PTPRJ: variants seen among roughly 807,000 people sequenced by gnomAD.
The protein encoded by PTPRJ is protein tyrosine phosphatase receptor type J, also known as receptor-type tyrosine-protein phosphatase eta.
In PTPRJ, 129 loss-of-function variants were observed where a neutral mutation model predicts 141.3. The observed-to-expected ratio is 0.91, with a 90% confidence interval of 0.79 to 1.06. The LOEUF is 1.06. Ranked by LOEUF, PTPRJ falls within the 50% of genes least tolerant of loss-of-function variation. The pLI, the probability that PTPRJ is intolerant of heterozygous loss-of-function variation, is 0.00. For synonymous variants in PTPRJ, 610 were observed against 640.5 expected (o/e 0.95, Z 0.72); for missense variants, 1,601 against 1,679.7 (o/e 0.95, Z 0.82).
chr11:48,143,027 C>G lies in PTPRJ; in HGVS notation c.2552C>G (p.Ala851Gly). The change falls in exon 12 of 25, where the codon GCT becomes GGT. Residue 851 changes from alanine to glycine, a missense_variant. Ala to Gly is a moderately conservative substitution (Grantham distance 60). Transcript: ENST00000418331. Reference protein sequence around the residue: ...EASHGPIKAYAVILTTGEAGH... With the variant: ...EASHGPIKAYGVILTTGEAGH... ...AGCCACGGACCCATCAAAGCCTATG[C>G]TGTCATTCTCACCACCGGGGAAGGT... The G allele has an allele frequency of 6.2e-7, 1 of 1,614,140 alleles. No individual in the cohort carries two copies. Among genetic ancestry groups the G allele is most frequent in the Non-Finnish European group, 8.5e-7 (1 of 1,179,994 alleles).
intron 1 of PTPRJ, among the ~76,000 whole-genome samples, chr11:48,053,764 G>A (rs915278713): frequency 6.7e-6 from 1 of 148,802 alleles, no homozygotes; most frequent in Non-Finnish European, 1.5e-5. Context: ...TTTAGTAGAG[G>A]CAGGGTTTCA....
chr11:48,001,302 T>A (rs749833678), intron 1 of PTPRJ, among the ~76,000 whole-genome samples: 78 of 151,920 alleles, frequency 5.1e-4, no homozygotes, highest in Non-Finnish European at 1.1e-3. Flanking sequence ...CCCATATCAC[T>A]TCTTATTATC....
chr11:48,143,154 C>A, intron 12 of PTPRJ, 104 bp downstream of exon 12: 1 of 1,415,786 alleles, frequency 7.1e-7, no homozygotes, highest in Non-Finnish European at 9.7e-7. Context: ...ACACGCCTGT[C>A]TTCTCACTGC....
chr11:48,021,723 T>C (rs1232824731), intron 1 of PTPRJ, among the ~76,000 whole-genome samples: 2 of 152,228 alleles, frequency 1.3e-5, no homozygotes, highest in Admixed American at 1.3e-4. Context: ...AATATGAGTC[T>C]AGCGCTTTGA....
chr11:48,132,322 C>CCAA, intron 8 of PTPRJ: 6 of 980,156 alleles, frequency 6.1e-6, no homozygotes, highest in Non-Finnish European at 6.1e-6. Flanking sequence ...GATTGCTTGG[C>CCAA]CCAACAGTTG....
intron 1 of PTPRJ, among the ~76,000 whole-genome samples, chr11:48,094,741 G>A (rs549736028): frequency 2.6e-5 from 4 of 152,286 alleles, no homozygotes; most frequent in African/African-American, 7.2e-5. Context: ...GGATGTGTTT[G>A]GGGCGCAGAA....
chr11:48,095,579 C>CT (rs11378534), intron 1 of PTPRJ, among the ~76,000 whole-genome samples: 33,504 of 136,912 alleles, frequency 0.24, 4,356 homozygotes, highest in South Asian at 0.44. Flanking sequence ...CAAACATATA[C>CT]TTTTTTTTTT....
In PTPRJ at chr11:48,137,128, T is replaced by G; in HGVS notation, c.1999T>G (p.Ser667Ala). ...YCLLIEKAGN[S>A]SNATQVVTDI... ...CCTTCTTATTGAGAAGGCTGGAAAT[T>G]CCAGCAACGCAACACAAGTAGTCAC... Residue 667 changes from serine (S) to alanine (A), a missense_variant, in exon 10 of 25, where the codon TCC becomes GCC. Ser to Ala is a moderately conservative substitution (Grantham distance 99, BLOSUM62 1). Transcript: ENST00000418331. The G allele has an allele frequency of 6.2e-7, 1 of 1,612,652 alleles. No individual in the cohort carries two copies. The highest frequency in any genetic ancestry group is 2.2e-5 in the East Asian group (1 of 44,880).
intron 1 of PTPRJ, among the ~76,000 whole-genome samples, chr11:48,011,789 G>C (rs1264526657): frequency 6.6e-6 from 1 of 152,036 alleles, no homozygotes; most frequent in Non-Finnish European, 1.5e-5. Context: ...AGCCTTCCAA[G>C]TATCTGGGAC....
intron 1 of PTPRJ, among the ~76,000 whole-genome samples, chr11:48,007,408 C>T (rs1198566527): frequency 1.3e-5 from 2 of 151,546 alleles, no homozygotes; most frequent in Admixed American, 1.3e-4. Context: ...CACACGGGGC[C>T]AGGCCTTTTT....
chr11:48,010,473 G>A (rs184689310), intron 1 of PTPRJ, among the ~76,000 whole-genome samples: 5 of 151,728 alleles, frequency 3.3e-5, no homozygotes, highest in Admixed American at 2.0e-4. Context: ...CCACTGCGCG[G>A]CCCATTAGGT....
At chr11:48,111,726 C>T (rs950369730) in intron 2 of PTPRJ, among the ~76,000 whole-genome samples, 3 of 151,884 alleles carry the variant, frequency 2.0e-5, no homozygotes, top group African/African-American at 4.8e-5. Context: ...AAGGATTTAC[C>T]CTGGGAAGTG....
intron 1 of PTPRJ, among the ~76,000 whole-genome samples, chr11:47,987,571 A>G (rs995341322): frequency 1.3e-5 from 2 of 152,204 alleles, no homozygotes; most frequent in Non-Finnish European, 2.9e-5. Flanking sequence ...TGTGAATGAC[A>G]TCCCTGCTGC....
At chr11:48,152,074 G>A (rs971444684) in intron 18 of PTPRJ, among the ~76,000 whole-genome samples, 3 of 152,208 alleles carry the variant, frequency 2.0e-5, no homozygotes, top group Non-Finnish European at 4.4e-5. Context: ...CAGTGTAAAA[G>A]TGTTGCTATT....
chr11:48,146,738 T>G, intron 14 of PTPRJ, 138 bp from the exon 15 acceptor site: 1 of 705,190 alleles, frequency 1.4e-6, no homozygotes, highest in South Asian at 1.6e-5. Flanking sequence ...TGTGCGCCTG[T>G]GTGTGTGTGT....
chr11:48,157,287 A>G (rs1213837839), intron 21 of PTPRJ, among the ~76,000 whole-genome samples: 1 of 152,220 alleles, frequency 6.6e-6, no homozygotes, highest in African/African-American at 2.4e-5. Flanking sequence ...CCCCTGGCCA[A>G]TATTTTTTAT....
Position 48,144,670 on chromosome 11 carries a change from C to G in PTPRJ, c.2576-5C>G, listed in dbSNP as rs1202729021. 2 of 1,610,956 alleles carry G rather than the reference C, an allele frequency of 1.2e-6. No homozygotes were observed. Among genetic ancestry groups the G allele is most frequent in the African/African-American group, 2.7e-5 (2 of 74,884 alleles). On this transcript the variant is annotated splice_region_variant and splice_polypyrimidine_tract_variant and intron_variant, in intron 12 of 24. Coordinates refer to ENST00000418331, the MANE Select transcript of PTPRJ (RefSeq NM_002843.4). Reference sequence around the variant, plus strand: ...TATGATTCTCCTTCTGTGTACCTTTCTTAGCTGGTCACCCTTCTGCAGATG... The same window carrying G: ...TATGATTCTCCTTCTGTGTACCTTTGTTAGCTGGTCACCCTTCTGCAGATG...
intron 1 of PTPRJ, among the ~76,000 whole-genome samples, chr11:48,106,977 C>G (rs1433044662): frequency 1.3e-5 from 2 of 151,836 alleles, no homozygotes; most frequent in East Asian, 3.9e-4. Context: ...CCATGTTGGC[C>G]AGGCTGGTCT....
intron 6 of PTPRJ, among the ~76,000 whole-genome samples, chr11:48,126,315 A>G (rs1420541701): frequency 1.3e-5 from 2 of 152,068 alleles, no homozygotes; most frequent in African/African-American, 4.8e-5. Flanking sequence ...GTGAATTCAC[A>G]CACATCCTGC....
Sources: gnomAD v4.1 joint callset for allele counts (sites outside exome capture counted in the v4.1 genomes callset) on GRCh38, gnomAD v4.1.1 for gene constraint, MANE v1.5 for transcripts, NCBI Gene and HGNC (gene_info 2026-07-23, HGNC 2026-07-21) for gene names.